ABCB4: variants seen among roughly 807,000 people sequenced by gnomAD.
The protein encoded by ABCB4 is phosphatidylcholine translocator ABCB4.
In ABCB4, 76 loss-of-function variants were observed where a neutral mutation model predicts 145.7. That is an observed-to-expected ratio of 0.52 (90% confidence interval 0.43 to 0.63). The LOEUF (loss-of-function observed/expected upper bound fraction) is 0.63. Ranked by LOEUF, ABCB4 falls within the 30% of genes least tolerant of loss-of-function variation. ABCB4 has a pLI of 0.00. For synonymous variants in ABCB4, 517 were observed against 566.8 expected, an observed-to-expected ratio of 0.91 and a Z score of 1.25; for missense variants, 1,234 against 1,553.1, an observed-to-expected ratio of 0.79 and a Z score of 3.45.
At chr7:87,418,299 G>A (rs1809140588) in intron 20 of ABCB4, among the ~76,000 whole-genome samples, 2 of 152,326 alleles carry the variant, frequency 1.3e-5, no homozygotes, top group South Asian at 2.1e-4. Flanking sequence ...TGACTGCAGG[G>A]AATCAGCCTT....
At chr7:87,411,819 CCTACT>C in intron 23 of ABCB4, 69 bp downstream of exon 23, 2 of 1,448,890 alleles carry the variant, frequency 1.4e-6, no homozygotes, top group Non-Finnish European at 1.9e-6. Context: ...TCATTTTTTT[CCTACT>C]CTAAACTTTT....
At chr7:87,398,935 A>G (rs1807651806), downstream of ABCB4, 1 of 299,082 alleles carries the variant, frequency 3.3e-6, no homozygotes, top group Non-Finnish European at 6.2e-6. Context: ...ACAAACTTTA[A>G]CAATGCAAGT....
rs984971996 is a variant in ABCB4, at chr7:87,420,137, A to G, written c.2317-62T>C. The G allele has an allele frequency of 4.0e-6, 6 of 1,492,448 alleles. No homozygotes were observed. In the African/African-American group the frequency reaches 4.1e-5, roughly 10 times the overall value. 92.5% of individuals were successfully genotyped at this position (1,492,448 alleles called of 1,614,324 possible). A position where few individuals can be genotyped will look rare whatever the true frequency, so the allele number is the denominator to read the frequency against. Reference sequence around the variant, plus strand: ...TTATGTATGTAATTGCACCAGACCAATCATGTTCAACTTTTATGTAGCAAA... The same window carrying G: ...TTATGTATGTAATTGCACCAGACCAGTCATGTTCAACTTTTATGTAGCAAA... On this transcript the variant is annotated intron_variant, in intron 18 of 27. Transcript: ENST00000649586.
chr7:87,391,404 A>G, the ABCB4 span, among the ~76,000 whole-genome samples: 2 of 152,176 alleles, frequency 1.3e-5, no homozygotes, highest in Non-Finnish European at 2.9e-5. Context: ...GAAACAGCCC[A>G]CATTATCAGA....
intron 4 of ABCB4, among the ~76,000 whole-genome samples, chr7:87,460,492 A>G (rs1812379912): frequency 6.6e-6 from 1 of 151,932 alleles, no homozygotes; most frequent in African/African-American, 2.4e-5. Context: ...CTTTATGTCA[A>G]TGTGTTACCC....
chr7:87,418,599 G>A lies in ABCB4; in HGVS notation c.2416C>T (p.His806Tyr), dbSNP rs1474545168. 6.2e-7 allele frequency: 1 copy of A among 1,613,976 alleles called. No homozygotes were observed. The highest frequency in any genetic ancestry group is 1.3e-5 in the African/African-American group (1 of 74,920). The change falls in exon 20 of 28, where the codon CAT (histidine) becomes TAT (tyrosine). Residue 806 changes from histidine (H) to tyrosine (Y), a missense_variant. His to Tyr is a moderately conservative substitution (Grantham distance 83). Around this residue, in one of 7 missense-constraint regions of ABCB4, gnomAD observed 321 missense variants for 332.6 expected, o/e 0.97. Coordinates refer to ENST00000649586, the MANE Select transcript of ABCB4 (RefSeq NM_000443.4). ...GAAAGTGCACCAGTACTGTTTTTATGGTCATCAAACCAGCTCATGTCCTAT... is the reference window on the plus strand; with the variant it reads ...GAAAGTGCACCAGTACTGTTTTTATAGTCATCAAACCAGCTCATGTCCTAT... ...LRQDMSWFDD[H>Y]KNSTGALSTR...
chr7:87,407,537 A>G (rs1808288106), intron 25 of ABCB4, among the ~76,000 whole-genome samples: 1 of 152,210 alleles, frequency 6.6e-6, no homozygotes, highest in Non-Finnish European at 1.5e-5. Flanking sequence ...CAAGGAAGAG[A>G]GCCACGGGGC....
Position 87,426,943 on chromosome 7 carries a change from A to G in ABCB4, c.1894-23T>C, listed in dbSNP as rs764900130. On this transcript the variant is annotated intron_variant, in intron 15 of 27. Transcript: ENST00000649586. Reference sequence around the variant, plus strand: ...TGTCTGAAAGAATATCAAGACATTAAAGTGTGTGTGTGTGTGTGTGTGTGT... The same window carrying G: ...TGTCTGAAAGAATATCAAGACATTAGAGTGTGTGTGTGTGTGTGTGTGTGT... 1,159 of 1,214,720 alleles carry G rather than the reference A, an allele frequency of 9.5e-4. 1 individual carries two copies. The highest frequency in any genetic ancestry group is 1.2e-3 in the Non-Finnish European group (1,067 of 871,012). The allele number at this position is 1,214,720 out of a possible 1,614,324, so 75.2% of individuals were successfully genotyped here. A position where few individuals can be genotyped will look rare whatever the true frequency, so the allele number is the denominator to read the frequency against.
chr7:87,375,967 T>TTC, the ABCB4 span: 1 of 1,472,498 alleles, frequency 6.8e-7, no homozygotes, highest in Non-Finnish European at 9.0e-7. Flanking sequence ...CTTAACTACC[T>TTC]TCTCTTTTTT....
At chr7:87,379,435 A>G in the ABCB4 span, among the ~76,000 whole-genome samples, 11 of 152,322 alleles carry the variant, frequency 7.2e-5, no homozygotes, top group African/African-American at 2.4e-4. Context: ...GAGTAAGTCA[A>G]TCTCATCAAG....
the ABCB4 span, among the ~76,000 whole-genome samples, chr7:87,380,871 A>G: frequency 6.6e-6 from 1 of 152,224 alleles, no homozygotes; most frequent in South Asian, 2.1e-4. Context: ...CAGTTGTGAG[A>G]TACTGTTAGA....
chr7:87,440,460 G>C (rs1462885496), intron 12 of ABCB4, 58 bp from the exon 13 acceptor site: 1 of 1,451,188 alleles, frequency 6.9e-7, no homozygotes, highest in African/African-American at 1.4e-5. Flanking sequence ...TGAAGTATCA[G>C]GACCATTCAT....
Position 87,439,774 on chromosome 7 carries a change from C to T in ABCB4, c.1624G>A (p.Ala542Thr), listed in dbSNP as rs140631210. 4 of 1,614,012 alleles carry T rather than the reference C, an allele frequency of 2.5e-6. No individual in the cohort carries two copies. Among genetic ancestry groups the T allele is most frequent in the Admixed American group, 1.7e-5 (1 of 59,994 alleles). Residue 542 changes from alanine (A) to threonine (T), a missense_variant, in exon 14 of 28, where the codon GCC (alanine) becomes ACC (threonine). Physicochemically the swap from Ala to Thr is moderately conservative, Grantham distance 58. Around this residue, in one of 7 missense-constraint regions of ABCB4, gnomAD observed 467 missense variants for 632.8 expected, o/e 0.74. Coordinates refer to ENST00000649586, the MANE Select transcript of ABCB4 (RefSeq NM_000443.4). ...TTGCGAACCAGGGCACGTGCAATGG[C>T]GATCCTCTGCTTCTGCCCACCACTC... Reference protein sequence around the residue: ...QLSGGQKQRIAIARALVRNPK... With the variant: ...QLSGGQKQRITIARALVRNPK...
At position 87,475,625 on chromosome 7, in the gene ABCB4, C is replaced by T; in HGVS notation, c.-7+9G>A. 1.4e-6 allele frequency: 1 copy of T among 715,366 alleles called. No homozygotes were observed. The highest frequency in any genetic ancestry group is 2.4e-6 in the Non-Finnish European group (1 of 411,058). The allele number at this position is 715,366 out of a possible 1,614,324, so 44.3% of individuals were successfully genotyped here. On this transcript the variant is annotated intron_variant, in intron 1 of 27. Coordinates refer to ENST00000649586, the MANE Select transcript of ABCB4 (RefSeq NM_000443.4). ...CCTTCGAGGCCAGACGCGCCCGGACCTCTCTCACCTCGAACCTCGCGCGTG... is the reference window on the plus strand; with the variant it reads ...CCTTCGAGGCCAGACGCGCCCGGACTTCTCTCACCTCGAACCTCGCGCGTG...
At chr7:87,395,674 G>C in the ABCB4 span, among the ~76,000 whole-genome samples, 1 of 152,138 alleles carries the variant, frequency 6.6e-6, no homozygotes, top group South Asian at 2.1e-4. Flanking sequence ...TTTCTTTGAT[G>C]TTTTGTCACT....
chr7:87,458,028 T>A (rs1812213232), intron 4 of ABCB4, among the ~76,000 whole-genome samples: 1 of 152,222 alleles, frequency 6.6e-6, no homozygotes, highest in African/African-American at 2.4e-5. Context: ...CATAGAACTA[T>A]TCATTATAAA....
At chr7:87,410,089 A>G (rs1409199926) in intron 23 of ABCB4, among the ~76,000 whole-genome samples, 1 of 152,174 alleles carries the variant, frequency 6.6e-6, no homozygotes, top group African/African-American at 2.4e-5. Context: ...TAAAATAACT[A>G]TTGACAGCAC....
intron 19 of ABCB4, among the ~76,000 whole-genome samples, chr7:87,419,502 C>T (rs1376824538): frequency 6.6e-6 from 1 of 151,838 alleles, no homozygotes; most frequent in Admixed American, 6.6e-5. Flanking sequence ...TTTGAATAAA[C>T]AAACAAGTGA....
At chr7:87,420,576 G>T (rs1258698309) in intron 18 of ABCB4, among the ~76,000 whole-genome samples, 1 of 152,172 alleles carries the variant, frequency 6.6e-6, no homozygotes, top group Non-Finnish European at 1.5e-5. Flanking sequence ...CCCACCAAGT[G>T]ACCAAACCTG....
Sources: gnomAD v4.1 joint callset for allele counts (sites outside exome capture counted in the v4.1 genomes callset) on GRCh38, gnomAD v4.1.1 for gene constraint, gnomAD v4.1.1 regional missense constraint, MANE v1.5 for transcripts, NCBI Gene and HGNC (gene_info 2026-07-23, HGNC 2026-07-21) for gene names.